The following MME variants were observed in gnomAD, a reference collection of about 807,000 sequenced individuals.
MME encodes neprilysin.
Under a neutral mutation model 113.2 loss-of-function variants are expected in MME, and 98 were observed. The observed-to-expected ratio is 0.87, with a 90% CI of 0.74 to 1.02. The LOEUF (loss-of-function observed/expected upper bound fraction) is 1.02, where lower values mean the gene tolerates loss of function less well. MME is among the 50% of genes least tolerant of loss of function. The pLI is 0.00. For synonymous variants in MME, 292 were observed against 300.6 expected (o/e 0.97, Z 0.30); for missense variants, 836 against 896.0 (o/e 0.93, Z 0.86).
intron 3 of MME, among the ~76,000 whole-genome samples, chr3:155,113,246 C>G (rs1462051627): frequency 6.6e-6 from 1 of 151,974 alleles, no homozygotes; most frequent in Non-Finnish European, 1.5e-5. Flanking sequence ...TAGGGTGATA[C>G]GTTTATTCTG....
At chr3:155,030,489 T>C (rs113495401) in intron 1 of MME, among the ~76,000 whole-genome samples, 1,985 of 152,288 alleles carry the variant, frequency 0.013, 40 homozygotes, top group African/African-American at 0.045. Context: ...GCATTTTCTG[T>C]ATCTGTACTC....
intron 8 of MME, among the ~76,000 whole-genome samples, chr3:155,129,141 G>A (rs1053779800): frequency 6.6e-6 from 1 of 152,094 alleles, no homozygotes; most frequent in Non-Finnish European, 1.5e-5. Context: ...AAAGAAAGAT[G>A]GTCTTAGACC....
At chr3:155,074,081 T>A (rs1714667629) in intron 1 of MME, among the ~76,000 whole-genome samples, 1 of 151,644 alleles carries the variant, frequency 6.6e-6, no homozygotes, top group Non-Finnish European at 1.5e-5. Context: ...AACTACACCA[T>A]CCAGGCCTTC....
intron 22 of MME, among the ~76,000 whole-genome samples, chr3:155,172,869 C>T (rs1266890990): frequency 1.3e-5 from 2 of 151,998 alleles, no homozygotes; most frequent in Non-Finnish European, 2.9e-5. Context: ...TTGATCTATT[C>T]CAACAAAGAT....
rs184108383 is a variant in MME, at chr3:155,115,077, C to T, written c.280C>T (p.Arg94Cys). ...FKYACGGWLK[R>C]NVIPETSSRY... ...ATATGCTTGCGGAGGCTGGTTGAAA[C>T]GTAATGTCATTCCCGAGACCAGCTC... is the stretch of plus-strand genomic sequence containing the variant. The change falls in exon 4 of 23, where the codon CGT becomes TGT. Residue 94 changes from arginine to cysteine, a missense_variant. By Grantham distance (180) the Arg-to-Cys change is radical. Transcript: ENST00000360490. 8 of 1,613,960 alleles carry T rather than the reference C, an allele frequency of 5.0e-6. No individual in the cohort carries two copies. The highest frequency in any genetic ancestry group is 3.3e-5 in the South Asian group (3 of 91,088).
chr3:155,115,139 A>G lies in MME; in HGVS notation c.342A>G (p.Leu114=), dbSNP rs1473570502. The G allele has an allele frequency of 6.2e-7, 1 of 1,614,150 alleles. No individual in the cohort carries two copies. Among genetic ancestry groups the G allele is most frequent in the Admixed American group, 1.7e-5 (1 of 60,026 alleles). ...ACTTTGACATTTTAAGAGATGAACT[A>G]GAAGTCGTTTTGAAAGGTTAGTAGA... is the stretch of plus-strand genomic sequence containing the variant. ...YGNFDILRDE[L]EVVLKDVLQE... The change falls in exon 4 of 23, where the codon CTA becomes CTG. Residue 114 remains leucine (L), a synonymous_variant. Transcript: ENST00000360490.
At chr3:155,170,994 G>A (rs1261782826) in intron 20 of MME, among the ~76,000 whole-genome samples, 1 of 152,052 alleles carries the variant, frequency 6.6e-6, no homozygotes. Context: ...GTTAAATCCA[G>A]TCCCTATCAT....
chr3:155,075,227 C>A (rs553393986), upstream of MME, among the ~76,000 whole-genome samples: 35 of 151,278 alleles, frequency 2.3e-4, no homozygotes, highest in Non-Finnish European at 3.8e-4. Flanking sequence ...AGTTTTATTA[C>A]AACTTTACTA....
At chr3:155,054,630 G>A (rs1323439211) in intron 1 of MME, among the ~76,000 whole-genome samples, 1 of 152,044 alleles carries the variant, frequency 6.6e-6, no homozygotes, top group Non-Finnish European at 1.5e-5. Context: ...AGGTCAGGAG[G>A]TCATGGCGAA....
At chr3:155,063,736 C>A (rs1173692898) in intron 1 of MME, among the ~76,000 whole-genome samples, 1 of 128,596 alleles carries the variant, frequency 7.8e-6, no homozygotes, top group Admixed American at 8.6e-5. Context: ...TGCTTTCTTC[C>A]CCCAAATGAG....
chr3:155,043,784 G>A (rs1326335307), intron 1 of MME, among the ~76,000 whole-genome samples: 8 of 151,810 alleles, frequency 5.3e-5, no homozygotes, highest in African/African-American at 4.8e-5. Flanking sequence ...TTGATTAGAC[G>A]TTCTATTATC....
intron 13 of MME, among the ~76,000 whole-genome samples, chr3:155,143,790 C>CT: frequency 6.6e-6 from 1 of 152,088 alleles, no homozygotes; most frequent in Non-Finnish European, 1.5e-5. Context: ...AGTCTGAAAC[C>CT]AACTCACCAT....
At chr3:155,098,238 A>T (rs1249501017) in intron 3 of MME, among the ~76,000 whole-genome samples, 1 of 152,054 alleles carries the variant, frequency 6.6e-6, no homozygotes, top group East Asian at 1.9e-4. Flanking sequence ...TGGACAGAAG[A>T]TATAAAAGAA....
At chr3:155,059,098 A>T (rs1714044288) in intron 1 of MME, among the ~76,000 whole-genome samples, 1 of 151,980 alleles carries the variant, frequency 6.6e-6, no homozygotes, top group East Asian at 1.9e-4. Flanking sequence ...TACTAAAAAT[A>T]CAAAAAATTA....
intron 1 of MME, among the ~76,000 whole-genome samples, chr3:155,048,336 C>T (rs1713637029): frequency 6.6e-6 from 1 of 152,182 alleles, no homozygotes; most frequent in Non-Finnish European, 1.5e-5. Flanking sequence ...GAAACTCACT[C>T]AATATGGAAC....
intron 1 of MME, among the ~76,000 whole-genome samples, chr3:155,050,738 G>C (rs1208781625): frequency 6.6e-6 from 1 of 152,128 alleles, no homozygotes; most frequent in Non-Finnish European, 1.5e-5. Context: ...TTAGAACACT[G>C]TCAGATGTAT....
At chr3:155,134,637 C>A (rs751208474) in intron 8 of MME, among the ~76,000 whole-genome samples, 2 of 152,112 alleles carry the variant, frequency 1.3e-5, no homozygotes, top group African/African-American at 4.8e-5. Flanking sequence ...GACTTATTTT[C>A]TTTTGGGTAT....
chr3:155,124,945 AC>A (rs1486247629), intron 8 of MME, among the ~76,000 whole-genome samples: 1 of 152,158 alleles, frequency 6.6e-6, no homozygotes, highest in Non-Finnish European at 1.5e-5. Flanking sequence ...GGTGGACTCC[AC>A]CCAGTTCGAG....
chr3:155,116,321 G>T (rs1247620443), intron 4 of MME, among the ~76,000 whole-genome samples, 158 bp from the exon 5 acceptor site: 1 of 152,000 alleles, frequency 6.6e-6, no homozygotes, highest in Non-Finnish European at 1.5e-5. Flanking sequence ...ATAATGTTTT[G>T]GAACTGGGGG....
Sources: allele counts gnomAD v4.1 joint callset (sites outside exome capture counted in the v4.1 genomes callset), GRCh38; gene constraint gnomAD v4.1.1; transcripts MANE v1.5; gene names NCBI Gene and HGNC (gene_info 2026-07-23, HGNC 2026-07-21).